LIPG: variants seen among roughly 807,000 people sequenced by gnomAD.
LIPG encodes the protein endothelial lipase.
Under a neutral mutation model 51.8 loss-of-function variants are expected in LIPG, and 34 were observed. The observed-to-expected ratio is 0.66, with a 90% CI of 0.50 to 0.87. The LOEUF (loss-of-function observed/expected upper bound fraction) is 0.87, where lower values mean the gene tolerates loss of function less well. LIPG is among the 40% of genes least tolerant of loss of function. LIPG has a pLI of 0.00. For synonymous variants in LIPG, 246 were observed against 246.1 expected, an observed-to-expected ratio of 1.00 and a Z score of 0.00; for missense variants, 580 against 652.7, an observed-to-expected ratio of 0.89 and a Z score of 1.21.
In LIPG at chr18:49,576,151, T is replaced by G. The variant is rs191771346; in HGVS notation, c.793+561T>G. On this transcript the variant is annotated intron_variant, in intron 5 of 9. Coordinates refer to ENST00000261292, the MANE Select transcript of LIPG (RefSeq NM_006033.4). ...CCGCACCCGGCTGATTAATTTCTTT[T>G]TATGACAAAAGGAATACACACATTT... is the stretch of plus-strand genomic sequence containing the variant. Among the ~76,000 whole-genome samples the G allele has an allele frequency of 2.6e-4, 40 of 152,070 alleles. No homozygotes were observed. In the South Asian group the frequency reaches 7.3e-3, roughly 28 times the overall value.
chr18:49,590,027 G>T, intron 9 of LIPG: 1 of 268,136 alleles, frequency 3.7e-6, no homozygotes, highest in South Asian at 4.6e-5. Flanking sequence ...GAGGTTCAGT[G>T]GTGTGTTCAC....
At chr18:49,583,238 T>G (rs2084842812) in intron 7 of LIPG, among the ~76,000 whole-genome samples, 1 of 152,144 alleles carries the variant, frequency 6.6e-6, no homozygotes, top group African/African-American at 2.4e-5. Context: ...GGATGTGACT[T>G]CTTTGTGTTT....
chr18:49,562,321 G>A lies in LIPG; in HGVS notation c.13G>A (p.Val5Ile). 2 of 1,612,416 alleles carry A rather than the reference G, an allele frequency of 1.2e-6. No homozygotes were observed. Among genetic ancestry groups the A allele is most frequent in the Non-Finnish European group, 1.7e-6 (2 of 1,180,002 alleles). The change falls in exon 1 of 10, where the codon GTT (valine) becomes ATT (isoleucine). Residue 5 changes from valine to isoleucine, a missense_variant. Val to Ile is a conservative substitution (Grantham distance 29). Coordinates refer to ENST00000261292, the MANE Select transcript of LIPG (RefSeq NM_006033.4). MSNS[V>I]PLLCFWSLCY... The stretch of plus-strand genomic sequence containing the variant: ...GTGGCGGGGCAGGATGAGCAACTCC[G>A]TTCCTCTGCTCTGTTTCTGGAGCCT...
Position 49,591,480 on chromosome 18 carries a change from A to C in LIPG, c.*958A>C, listed in dbSNP as rs1192459735. ...GGCCAGAATGATGGCCGGTTGCCAG[A>C]TATAACTGCTTTGGAGCAAATCTCT... On this transcript the variant is annotated 3_prime_UTR_variant, in exon 10 of 10. Coordinates refer to ENST00000261292, the MANE Select transcript of LIPG (RefSeq NM_006033.4). The C allele has an allele frequency of 6.6e-6, 1 of 152,252 alleles. No individual in the cohort carries two copies. Among genetic ancestry groups the C allele is most frequent in the Non-Finnish European group, 1.5e-5 (1 of 68,048 alleles). 9.4% of individuals were successfully genotyped at this position (152,252 alleles called of 1,614,324 possible).
chr18:49,577,530 G>A (rs1217212275), intron 5 of LIPG, among the ~76,000 whole-genome samples: 2 of 149,250 alleles, frequency 1.3e-5, no homozygotes, highest in African/African-American at 5.0e-5. Context: ...ATGAGCTGCT[G>A]GGCACACCTC....
intron 4 of LIPG, among the ~76,000 whole-genome samples, chr18:49,571,274 A>G (rs886312207): frequency 1.3e-5 from 2 of 152,188 alleles, no homozygotes; most frequent in Non-Finnish European, 2.9e-5. Flanking sequence ...CCTGAGTTCA[A>G]ATTGTAGCAC....
intron 4 of LIPG, among the ~76,000 whole-genome samples, chr18:49,573,579 CAAAAAAAAA>C (rs35007833): frequency 8.7e-6 from 1 of 115,324 alleles, no homozygotes; most frequent in Non-Finnish European, 1.9e-5. Context: ...GATTCCAACT[CAAAAAAAAA>C]AAAAGAAAAA....
intron 4 of LIPG, among the ~76,000 whole-genome samples, 178 bp from the exon 5 acceptor site, chr18:49,575,191 G>A (rs1175638210): frequency 2.0e-5 from 3 of 152,152 alleles, no homozygotes; most frequent in Non-Finnish European, 4.4e-5. Context: ...GATGTCTTGG[G>A]GTCAACTGCA....
intron 3 of LIPG, 139 bp downstream of exon 3, chr18:49,567,760 TTAAG>T (rs1568527043): frequency 1.2e-6 from 1 of 804,796 alleles, no homozygotes; most frequent in African/African-American, 1.7e-5. Context: ...TTTTATTGAA[TTAAG>T]TATTGTTTGG....
Position 49,590,489 on chromosome 18 carries a change from G to T in LIPG, c.1482-12G>T. The T allele has an allele frequency of 6.2e-7, 1 of 1,600,706 alleles. No homozygotes were observed. The highest frequency in any genetic ancestry group is 8.5e-7 in the Non-Finnish European group (1 of 1,172,254). Reference sequence around the variant, plus strand: ...GAGCTAACAAATGCCACTCTCACACGGTTTCTTTCAGTCCCACTGTGGAGC... The same window carrying T: ...GAGCTAACAAATGCCACTCTCACACTGTTTCTTTCAGTCCCACTGTGGAGC... On this transcript the variant is annotated splice_polypyrimidine_tract_variant and intron_variant, in intron 9 of 9. Transcript: ENST00000261292.
In LIPG at chr18:49,595,770, G is replaced by A. The variant is rs1465677517; in HGVS notation, c.*5248G>A. The A allele has an allele frequency of 6.6e-6, 1 of 152,244 alleles. No individual in the cohort carries two copies. The highest frequency in any genetic ancestry group is 1.5e-5 in the Non-Finnish European group (1 of 68,066). 9.4% of individuals were successfully genotyped at this position (152,244 alleles called of 1,614,324 possible). On this transcript the variant is annotated 3_prime_UTR_variant, in exon 10 of 10. Coordinates refer to ENST00000261292, the MANE Select transcript of LIPG (RefSeq NM_006033.4). ...TCGAACCTGGGAGATGGAGTTTGCA[G>A]TGAGCTGAGATCACGCCACTGCACT...
intron 1 of LIPG, among the ~76,000 whole-genome samples, chr18:49,563,691 G>C (rs374665752): frequency 4.6e-5 from 7 of 152,014 alleles, no homozygotes; most frequent in African/African-American, 1.4e-4. Context: ...TGGAGAAGTT[G>C]ACCATTGAGC....
chr18:49,597,225 TC>T lies in LIPG; in HGVS notation c.*6704del, dbSNP rs1443730460. 1.3e-5 allele frequency: 2 copies of T among 152,212 alleles called. No homozygotes were observed. The highest frequency in any genetic ancestry group is 4.8e-5 in the African/African-American group (2 of 41,446). 9.4% of individuals were successfully genotyped at this position (152,212 alleles called of 1,614,324 possible). A position where few individuals can be genotyped will look rare whatever the true frequency, so the allele number is the denominator to read the frequency against. ...TAGGCTAGATCTGCTTGGGAATCTT[TC>T]TTCTAATCGAGGCCCCTAAAATATT... On this transcript the variant is annotated 3_prime_UTR_variant, in exon 10 of 10. Coordinates refer to ENST00000261292, the MANE Select transcript of LIPG (RefSeq NM_006033.4).
Position 49,576,457 on chromosome 18 carries a change from C to CTTTTTTTTTTTTTTTTTTTTTTTTTT in LIPG, c.793+869_793+894dup, listed in dbSNP as rs34597464. ...TCTTTTTTTAAAAGACAGAATCTTG[C>CTTTTTTTTTTTTTTTTTTTTTTTTTT]TTTTTTTTTTTTTTTTTTTTTTTTT... On this transcript the variant is annotated intron_variant, in intron 5 of 9. Transcript: ENST00000261292. Among the ~76,000 whole-genome samples, 2 of 51,526 alleles carry CTTTTTTTTTTTTTTTTTTTTTTTTTT rather than the reference C, an allele frequency of 3.9e-5. 1 individual carries two copies. Among genetic ancestry groups the CTTTTTTTTTTTTTTTTTTTTTTTTTT allele is most frequent in the Non-Finnish European group, 7.0e-5 (2 of 28,676 alleles). The allele number at this position is 51,526 out of a possible 152,430, so 33.8% of individuals were successfully genotyped here. A position where few individuals can be genotyped will look rare whatever the true frequency, so the allele number is the denominator to read the frequency against.
intron 5 of LIPG, among the ~76,000 whole-genome samples, chr18:49,577,904 T>C (rs2084743263): frequency 1.1e-5 from 1 of 90,186 alleles, no homozygotes; most frequent in Admixed American, 1.0e-4. Flanking sequence ...GCTCCTCACT[T>C]CCCAGTAGGG....
chr18:49,568,269 A>T (rs2148848179), intron 3 of LIPG, among the ~76,000 whole-genome samples: 1 of 152,246 alleles, frequency 6.6e-6, no homozygotes, highest in Admixed American at 6.5e-5. Context: ...TGACCTCATG[A>T]TCTGCCTGCC....
intron 5 of LIPG, among the ~76,000 whole-genome samples, chr18:49,577,631 C>G (rs2084734800): frequency 6.9e-6 from 1 of 145,044 alleles, no homozygotes; most frequent in Admixed American, 6.7e-5. Flanking sequence ...GACGGGGCGG[C>G]TGGCCGGGCA....
chr18:49,572,117 C>T lies in LIPG; in HGVS notation c.571+2569C>T, dbSNP rs182632390. On this transcript the variant is annotated intron_variant, in intron 4 of 9. Coordinates refer to ENST00000261292, the MANE Select transcript of LIPG (RefSeq NM_006033.4). ...GGTGGATCACCTGAGGTCAGGAGTT[C>T]AAGACCAGCCTGGCCAACATGATGA... is the stretch of plus-strand genomic sequence containing the variant. Among the ~76,000 whole-genome samples the T allele has an allele frequency of 4.8e-3, 729 of 152,136 alleles. 9 individuals carry two copies. Among genetic ancestry groups the T allele is most frequent in the African/African-American group, 0.017 (695 of 41,500 alleles).
intron 4 of LIPG, among the ~76,000 whole-genome samples, chr18:49,570,118 C>T (rs545402937): frequency 6.6e-6 from 1 of 152,268 alleles, no homozygotes. Flanking sequence ...AGCCTCTTTC[C>T]CATGTTAAGG....
Sources: gnomAD v4.1 joint callset for allele counts (sites outside exome capture counted in the v4.1 genomes callset) on GRCh38, gnomAD v4.1.1 for gene constraint, MANE v1.5 for transcripts, NCBI Gene and HGNC (gene_info 2026-07-23, HGNC 2026-07-21) for gene names.